ALDH18A1: variants seen among roughly 807,000 people sequenced by gnomAD.
The protein encoded by ALDH18A1 is aldehyde dehydrogenase 18 family member A1, also known as delta-1-pyrroline-5-carboxylate synthase.
A neutral mutation model predicts 88.8 loss-of-function variants in ALDH18A1; 44 were observed. That is an observed-to-expected ratio of 0.50 (90% CI 0.39 to 0.64). ALDH18A1 has a LOEUF of 0.64. ALDH18A1 is among the 30% of genes least tolerant of loss of function. ALDH18A1 has a pLI of 0.00. For synonymous variants in ALDH18A1, 331 were observed against 372.1 expected, an observed-to-expected ratio of 0.89 and a Z score of 1.27; for missense variants, 782 against 1,009.5, an observed-to-expected ratio of 0.77 and a Z score of 3.05.
chr10:95,627,996 T>C lies in ALDH18A1; in HGVS notation c.933+372A>G, dbSNP rs368236597. 1.6e-3 allele frequency among the ~76,000 whole-genome samples: 248 copies of C among 152,354 alleles called. 3 individuals carry two copies. Among genetic ancestry groups the C allele is most frequent in the African/African-American group, 5.6e-3 (234 of 41,576 alleles). ...TCATCTGTGCTGTTGATACATGTGA[T>C]GCTGTACCTTACGGGTATAACTTCT... is the stretch of plus-strand genomic sequence containing the variant. On this transcript the variant is annotated intron_variant, in intron 8 of 17. Coordinates refer to ENST00000371224, the MANE Select transcript of ALDH18A1 (RefSeq NM_002860.4).
At chr10:95,627,087 T>A (rs2097861469) in intron 9 of ALDH18A1, among the ~76,000 whole-genome samples, 1 of 152,226 alleles carries the variant, frequency 6.6e-6, no homozygotes, top group Non-Finnish European at 1.5e-5. Context: ...CACTTCTGAA[T>A]GCAGATTATG....
At position 95,616,528 on chromosome 10, in the gene ALDH18A1, G is replaced by A. The variant is rs769724207; in HGVS notation, c.1554C>T (p.Leu518=). The change falls in exon 13 of 18, where the codon CTC becomes CTT. Residue 518 remains leucine, a synonymous_variant. Coordinates refer to ENST00000371224, the MANE Select transcript of ALDH18A1 (RefSeq NM_002860.4). ...EAAHSNRILH[L]LTQEALSIHG... ...GGATTGAGAGAGCCTCCTGGGTCAGGAGGTGGAGAATCCGGTTGCTGTGTG... is the reference window on the plus strand; with the variant it reads ...GGATTGAGAGAGCCTCCTGGGTCAGAAGGTGGAGAATCCGGTTGCTGTGTG... 1.3e-6 allele frequency: 2 copies of A among 1,584,576 alleles called. No individual in the cohort carries two copies. The highest frequency in any genetic ancestry group is 2.3e-5 in the South Asian group (2 of 86,702).
At chr10:95,621,605 C>T (rs1183185692) in intron 11 of ALDH18A1, among the ~76,000 whole-genome samples, 2 of 152,198 alleles carry the variant, frequency 1.3e-5, no homozygotes, top group East Asian at 3.9e-4. Context: ...AGCCACCGTG[C>T]CTGGCCCAAC....
At chr10:95,609,960 G>T (rs2097830458) in intron 17 of ALDH18A1, among the ~76,000 whole-genome samples, 1 of 151,940 alleles carries the variant, frequency 6.6e-6, no homozygotes, top group Admixed American at 6.6e-5. Flanking sequence ...AGTAGAGACA[G>T]GGTTTCACCA....
chr10:95,625,008 T>A (rs762027172), intron 11 of ALDH18A1, among the ~76,000 whole-genome samples: 1 of 152,200 alleles, frequency 6.6e-6, no homozygotes, highest in Non-Finnish European at 1.5e-5. Flanking sequence ...CCTGACTGCA[T>A]AGCCATTAGC....
intron 3 of ALDH18A1, among the ~76,000 whole-genome samples, chr10:95,642,183 C>T (rs1383592711): frequency 6.6e-6 from 1 of 152,132 alleles, no homozygotes; most frequent in Non-Finnish European, 1.5e-5. Flanking sequence ...TTACTTTTGG[C>T]CAAATCTGGC....
At chr10:95,617,548 C>T (rs759699604) in intron 12 of ALDH18A1, among the ~76,000 whole-genome samples, 11 of 152,212 alleles carry the variant, frequency 7.2e-5, no homozygotes, top group South Asian at 6.2e-4. Context: ...GGGAGGAAAA[C>T]GTAAACCATC....
rs2097874883 is a variant in ALDH18A1 at position 95,633,634 on chromosome 10, A to G, written c.574T>C (p.Leu192=). Residue 192 remains leucine (L), a synonymous_variant, in exon 6 of 18, where the codon TTG becomes CTG. Coordinates refer to ENST00000371224, the MANE Select transcript of ALDH18A1 (RefSeq NM_002860.4). ...CGCTTCTGCTCATCATGGAAATCCAAATTGGTCACCAAAATCTAAAAGGAT... is the reference window on the plus strand; with the variant it reads ...CGCTTCTGCTCATCATGGAAATCCAGATTGGTCACCAAAATCTAAAAGGAT... ...ICAAQILVTN[L]DFHDEQKRRN... is the part of the protein sequence containing the mutation. 2 of 1,613,928 alleles carry G rather than the reference A, an allele frequency of 1.2e-6. No individual in the cohort carries two copies. Among genetic ancestry groups the G allele is most frequent in the South Asian group, 1.1e-5 (1 of 91,080 alleles).
chr10:95,610,243 G>A lies in ALDH18A1; in HGVS notation c.2160C>T (p.Phe720=), dbSNP rs374052426. The part of the protein sequence containing the change: ...FLQHVDSACV[F]WNASTRFSDG... ...CAGAAAAGCGAGTGCTGGCATTCCA[G>A]AACACACAGGCACTGTCTACGTGCT... Residue 720 remains phenylalanine, a synonymous_variant, in exon 17 of 18, where the codon TTC becomes TTT. Coordinates refer to ENST00000371224, the MANE Select transcript of ALDH18A1 (RefSeq NM_002860.4). 1,185 of 1,613,984 alleles carry A rather than the reference G, an allele frequency of 7.3e-4. 1 individual carries two copies. The highest frequency in any genetic ancestry group is 9.3e-4 in the Non-Finnish European group (1,099 of 1,179,988).
intron 2 of ALDH18A1, among the ~76,000 whole-genome samples, chr10:95,652,343 A>G (rs1252789563): frequency 6.6e-6 from 1 of 152,240 alleles, no homozygotes; most frequent in African/African-American, 2.4e-5. Context: ...GGTAAAGGGT[A>G]TAAGGGACCT....
intron 2 of ALDH18A1, among the ~76,000 whole-genome samples, chr10:95,650,978 A>G (rs192422477): frequency 3.7e-4 from 56 of 152,216 alleles, no homozygotes; most frequent in African/African-American, 1.3e-3. Flanking sequence ...TACTAAAAAT[A>G]CAAAAACTGG....
chr10:95,638,454 A>G (rs2097885301), intron 3 of ALDH18A1, among the ~76,000 whole-genome samples: 1 of 152,256 alleles, frequency 6.6e-6, no homozygotes, highest in South Asian at 2.1e-4. Context: ...AACCACAATT[A>G]CTTTTGTGCC....
intron 3 of ALDH18A1, among the ~76,000 whole-genome samples, chr10:95,640,190 G>T (rs541243827): frequency 6.6e-6 from 1 of 151,514 alleles, no homozygotes; most frequent in South Asian, 2.1e-4. Flanking sequence ...ATGAAAAGCA[G>T]GACAAATGTG....
intron 12 of ALDH18A1, among the ~76,000 whole-genome samples, chr10:95,616,939 G>C (rs1049827774): frequency 2.0e-5 from 3 of 152,166 alleles, no homozygotes; most frequent in Non-Finnish European, 4.4e-5. Context: ...GGCTTCCTTA[G>C]CACCATTAGC....
At position 95,637,098 on chromosome 10, in the gene ALDH18A1, C is replaced by A. The variant is rs2139621059; in HGVS notation, c.553G>T (p.Ala185Ser). The change falls in exon 5 of 18, where the codon GCC becomes TCC. Residue 185 changes from alanine to serine, a missense_variant. Ala to Ser is a moderately conservative substitution (Grantham distance 99). Transcript: ENST00000371224. Reference protein sequence around the residue: ...AMFTQYSICAAQILVTNLDFH... With the variant: ...AMFTQYSICASQILVTNLDFH... ...TTCAAAGCCCAGCCTCTCACCTGGG[C>A]AGCACAGATGCTGTACTGGGTAAAC... The A allele has an allele frequency of 6.2e-7, 1 of 1,614,086 alleles. No homozygotes were observed. The highest frequency in any genetic ancestry group is 8.5e-7 in the Non-Finnish European group (1 of 1,180,000).
chr10:95,617,182 G>A (rs1421311441), intron 12 of ALDH18A1, among the ~76,000 whole-genome samples: 3 of 152,214 alleles, frequency 2.0e-5, no homozygotes, highest in African/African-American at 4.8e-5. Context: ...GGGAGGCGGA[G>A]GCTGCAGTCA....
intron 17 of ALDH18A1, among the ~76,000 whole-genome samples, chr10:95,609,320 A>T (rs912750022): frequency 2.0e-5 from 3 of 152,236 alleles, no homozygotes; most frequent in African/African-American, 7.2e-5. Flanking sequence ...TGTAGAAGGT[A>T]ACCTTGTACT....
At chr10:95,613,710 G>T in intron 15 of ALDH18A1, 32 bp downstream of exon 15, 1 of 1,613,658 alleles carries the variant, frequency 6.2e-7, no homozygotes, top group South Asian at 1.1e-5. Flanking sequence ...TCTAAGACAG[G>T]AAGTAATGTA....
chr10:95,647,667 A>G (rs2097903414), intron 2 of ALDH18A1, among the ~76,000 whole-genome samples: 1 of 152,236 alleles, frequency 6.6e-6, no homozygotes, highest in Admixed American at 6.5e-5. Flanking sequence ...CATACCTTGG[A>G]GGAAGAAATA....
Sources: allele counts gnomAD v4.1 joint callset (sites outside exome capture counted in the v4.1 genomes callset), GRCh38; gene constraint gnomAD v4.1.1; transcripts MANE v1.5; gene names NCBI Gene and HGNC (gene_info 2026-07-23, HGNC 2026-07-21).